The following ATP2C2 variants were observed in gnomAD, a reference collection of about 807,000 sequenced individuals.
The protein encoded by ATP2C2 is ATPase secretory pathway Ca2+ transporting 2, also known as calcium-transporting ATPase type 2C member 2.
Under a neutral mutation model 110.8 loss-of-function variants are expected in ATP2C2, and 171 were observed. The observed-to-expected ratio is 1.54, with a 90% CI of 1.36 to 1.75. The LOEUF is 1.75. Among genes scored for constraint, ATP2C2 ranks in the 40% most tolerant of loss-of-function variants. The pLI is 0.00. For missense variants in ATP2C2, 1,963 were observed against 1,235.0 expected (o/e 1.59, Z -8.84); for synonymous variants, 804 against 508.4 (o/e 1.58, Z -7.82).
chr16:84,402,927 C>T (rs7198674), intron 2 of ATP2C2, among the ~76,000 whole-genome samples: 65,793 of 151,968 alleles, frequency 0.43, 14,497 homozygotes, highest in South Asian at 0.6. Context: ...TTTTCCTAAC[C>T]GGAAGACTTT....
chr16:84,383,001 G>T (rs2151401397), intron 1 of ATP2C2, among the ~76,000 whole-genome samples: 1 of 152,254 alleles, frequency 6.6e-6, no homozygotes, highest in South Asian at 2.1e-4. Context: ...GAAGAGACAG[G>T]CAAGAGTCTA....
Position 84,463,777 on chromosome 16 carries a change from T to C in ATP2C2, c.*45T>C, listed in dbSNP as rs756833588. 1 of 1,525,492 alleles carries C rather than the reference T, an allele frequency of 6.6e-7. No homozygotes were observed. The highest frequency in any genetic ancestry group is 1.1e-5 in the South Asian group (1 of 89,224). 94.5% of individuals were successfully genotyped at this position (1,525,492 alleles called of 1,614,324 possible). A position where few individuals can be genotyped will look rare whatever the true frequency, so the allele number is the denominator to read the frequency against. Reference sequence around the variant, plus strand: ...CCTTCCCTAATCATCTCGATCTGGTTGTGACTGTGGCCCCTGCCGTGTCTC... The same window carrying C: ...CCTTCCCTAATCATCTCGATCTGGTCGTGACTGTGGCCCCTGCCGTGTCTC... On this transcript the variant is annotated 3_prime_UTR_variant, in exon 27 of 27. Transcript: ENST00000262429.
chr16:84,463,566 A>G, intron 26 of ATP2C2, 48 bp from the exon 27 acceptor site: 2 of 1,535,560 alleles, frequency 1.3e-6, no homozygotes, highest in Non-Finnish European at 1.8e-6. Flanking sequence ...TGCCGGCGCA[A>G]CAGAGCTGCA....
intron 4 of ATP2C2, among the ~76,000 whole-genome samples, chr16:84,409,782 C>A (rs193161590): frequency 1.3e-5 from 2 of 152,168 alleles, no homozygotes; most frequent in African/African-American, 2.4e-5. Flanking sequence ...GGATTGTAGG[C>A]GTGAGCCACT....
intron 1 of ATP2C2, among the ~76,000 whole-genome samples, chr16:84,370,742 C>T (rs941924927): frequency 1.3e-5 from 2 of 150,556 alleles, no homozygotes; most frequent in African/African-American, 2.4e-5. Context: ...CTCAATAGAA[C>T]CGTCTTTTAT....
In ATP2C2 at chr16:84,390,923, G is replaced by A. The variant is rs566067672; in HGVS notation, c.100-7576G>A. 9.9e-5 allele frequency among the ~76,000 whole-genome samples: 15 copies of A among 152,074 alleles called. 1 individual carries two copies. The highest frequency in any genetic ancestry group is 5.8e-4 in the East Asian group (3 of 5,166). ...GAGGTCAGGAGTTTGAGACCAGCCC[G>A]GCCAACATGTTCAAACCCCGTCTCT... On this transcript the variant is annotated intron_variant, in intron 1 of 26. Transcript: ENST00000262429.
At chr16:84,406,728 T>C (rs1001215687) in intron 3 of ATP2C2, 12 of 874,750 alleles carry the variant, frequency 1.4e-5, no homozygotes, top group African/African-American at 1.3e-4. Context: ...CTCCCGGAAG[T>C]TGGGGTTCAG....
intron 7 of ATP2C2, among the ~76,000 whole-genome samples, chr16:84,419,517 C>T (rs938016014): frequency 1.2e-4 from 19 of 152,208 alleles, no homozygotes. Flanking sequence ...TAGTCTCTGT[C>T]ACCACATCAG....
At chr16:84,462,487 T>C (rs1478566855) in intron 26 of ATP2C2, 2 of 200,802 alleles carry the variant, frequency 1.0e-5, no homozygotes, top group Non-Finnish European at 2.0e-5. Flanking sequence ...GAGCCTGGAC[T>C]TGACCCTGGG....
rs553094691 is a variant in ATP2C2, at chr16:84,445,146, C to T, written c.1402-1183C>T. 4.6e-5 allele frequency among the ~76,000 whole-genome samples: 7 copies of T among 152,226 alleles called. No individual in the cohort carries two copies. In the East Asian group the frequency reaches 1.4e-3, roughly 29 times the overall value. On this transcript the variant is annotated intron_variant, in intron 15 of 26. Transcript: ENST00000262429. The stretch of plus-strand genomic sequence containing the variant: ...CGCAGACGCATCCCTGCCTTGGTCT[C>T]TCACACCAAGCTCTGTCTCTGTCAC...
At chr16:84,453,481 C>T in intron 20 of ATP2C2, 110 bp downstream of exon 20, 3 of 1,421,494 alleles carry the variant, frequency 2.1e-6, no homozygotes, top group East Asian at 2.3e-5. Flanking sequence ...CCGACCGTGG[C>T]TTCCTTCTCT....
chr16:84,459,029 C>A (rs980228567), intron 21 of ATP2C2, 91 bp from the exon 22 acceptor site: 11 of 1,375,316 alleles, frequency 8.0e-6, no homozygotes, highest in Admixed American at 1.7e-5. Context: ...TCAATCTGGG[C>A]GAGTCACCAC....
At chr16:84,449,168 A>T (rs531129002) in intron 17 of ATP2C2, among the ~76,000 whole-genome samples, 1 of 152,262 alleles carries the variant, frequency 6.6e-6, no homozygotes, top group African/African-American at 2.4e-5. Context: ...GTTACAGAGG[A>T]AGCGTTTAGA....
chr16:84,408,687 T>G (rs1264173579), intron 4 of ATP2C2, among the ~76,000 whole-genome samples, 193 bp downstream of exon 4: 1 of 152,138 alleles, frequency 6.6e-6, no homozygotes, highest in Non-Finnish European at 1.5e-5. Flanking sequence ...ATTCGGCCAC[T>G]GCTTGCTTGC....
intron 7 of ATP2C2, among the ~76,000 whole-genome samples, chr16:84,421,288 G>A (rs1254521410): frequency 6.6e-6 from 1 of 152,372 alleles, no homozygotes. Context: ...CCTCCCTGAC[G>A]CTGTGGGGTC....
intron 20 of ATP2C2, among the ~76,000 whole-genome samples, 164 bp downstream of exon 20, chr16:84,453,535 G>C (rs998440148): frequency 3.3e-5 from 5 of 152,144 alleles, no homozygotes; most frequent in Non-Finnish European, 5.9e-5. Flanking sequence ...TCATAGCCAG[G>C]GGGAGGGGAG....
At chr16:84,413,172 G>C (rs1490058163) in intron 6 of ATP2C2, among the ~76,000 whole-genome samples, 1 of 151,456 alleles carries the variant, frequency 6.6e-6, no homozygotes, top group Non-Finnish European at 1.5e-5. Context: ...GAGTCTCCAA[G>C]ACCCATTTCC....
intron 18 of ATP2C2, 33 bp downstream of exon 18, chr16:84,452,124 A>G (rs891497525): frequency 2.5e-6 from 4 of 1,612,552 alleles, no homozygotes; most frequent in South Asian, 1.1e-5. Flanking sequence ...TGAGGACGAA[A>G]GGACCCATCC....
At chr16:84,439,128 A>C (rs1909003238) in intron 11 of ATP2C2, 38 bp from the exon 12 acceptor site, 3 of 1,610,816 alleles carry the variant, frequency 1.9e-6, no homozygotes, top group Non-Finnish European at 2.5e-6. Flanking sequence ...ACACTCCTTA[A>C]ATGTGTTAGA....
Sources: allele counts gnomAD v4.1 joint callset (sites outside exome capture counted in the v4.1 genomes callset), GRCh38; gene constraint gnomAD v4.1.1; transcripts MANE v1.5; gene names NCBI Gene and HGNC (gene_info 2026-07-23, HGNC 2026-07-21).